Variants in SLC2A13 observed in about 807,000 individuals in gnomAD.
SLC2A13 encodes proton myo-inositol cotransporter.
A neutral mutation model predicts 64.4 loss-of-function variants in SLC2A13; 32 were observed. The ratio of observed to expected loss-of-function variants is 0.50; its 90% CI spans 0.37 to 0.67. SLC2A13 has a LOEUF of 0.67. Among genes scored for constraint, SLC2A13 ranks in the 30% least tolerant of loss-of-function variants. The probability of loss-of-function intolerance (pLI) is 0.00; values close to 1 mark genes in which losing one functional copy is unlikely to be tolerated. For missense variants in SLC2A13, 743 were observed against 829.2 expected (o/e 0.90, Z 1.28); for synonymous variants, 338 against 327.1 (o/e 1.03, Z -0.36).
At position 39,760,272 on chromosome 12, in the gene SLC2A13, A is replaced by G. The variant is rs1162759504; in HGVS notation, c.1721-20T>C. 6.3e-7 allele frequency: 1 copy of G among 1,581,412 alleles called. No individual in the cohort carries two copies. Among genetic ancestry groups the G allele is most frequent in the South Asian group, 1.1e-5 (1 of 88,788 alleles). Reference sequence around the variant, plus strand: ...AAGCTCCTGCAACGGAATATAATAGATACATGAATATGAATATATAGAGAG... The same window carrying G: ...AAGCTCCTGCAACGGAATATAATAGGTACATGAATATGAATATATAGAGAG... On this transcript the variant is annotated intron_variant, in intron 9 of 9. Coordinates refer to ENST00000280871, the MANE Select transcript of SLC2A13 (RefSeq NM_052885.4).
At chr12:40,050,071 C>T (rs1948230992) in intron 1 of SLC2A13, among the ~76,000 whole-genome samples, 1 of 152,280 alleles carries the variant, frequency 6.6e-6, no homozygotes, top group African/African-American at 2.4e-5. Context: ...ACAGACCACC[C>T]TGAAATGCCC....
chr12:39,784,725 G>C (rs1003726652), intron 7 of SLC2A13, among the ~76,000 whole-genome samples: 2 of 152,228 alleles, frequency 1.3e-5, no homozygotes, highest in Middle Eastern at 3.4e-3. Flanking sequence ...ACTGACAAAC[G>C]GGATCTAATT....
intron 3 of SLC2A13, among the ~76,000 whole-genome samples, chr12:39,969,145 C>G (rs1946593833): frequency 6.6e-6 from 1 of 152,166 alleles, no homozygotes; most frequent in African/African-American, 2.4e-5. Flanking sequence ...TTTTTTATGG[C>G]TGCATAGTAT....
At chr12:39,891,365 G>A (rs948893064) in intron 4 of SLC2A13, among the ~76,000 whole-genome samples, 1 of 151,632 alleles carries the variant, frequency 6.6e-6, no homozygotes, top group African/African-American at 2.4e-5. Flanking sequence ...ACTCCTCATT[G>A]CCTATTCCTA....
chr12:39,809,070 G>C (rs141582641), intron 7 of SLC2A13, among the ~76,000 whole-genome samples: 46 of 152,060 alleles, frequency 3.0e-4, no homozygotes, highest in African/African-American at 9.4e-4. Context: ...GATGTATATT[G>C]AGCTTTTTTG....
intron 7 of SLC2A13, among the ~76,000 whole-genome samples, chr12:39,775,148 A>G (rs1313378775): frequency 1.3e-5 from 2 of 152,232 alleles, no homozygotes; most frequent in East Asian, 3.8e-4. Flanking sequence ...TAGATAGAGA[A>G]TTAGAAACCA....
intron 6 of SLC2A13, among the ~76,000 whole-genome samples, chr12:39,856,224 T>C (rs1943602731): frequency 6.6e-6 from 1 of 152,112 alleles, no homozygotes; most frequent in South Asian, 2.1e-4. Flanking sequence ...CAACCCTTCA[T>C]CCATCTATCC....
chr12:39,810,477 C>T (rs1942121517), intron 7 of SLC2A13, among the ~76,000 whole-genome samples: 1 of 152,082 alleles, frequency 6.6e-6, no homozygotes, highest in Non-Finnish European at 1.5e-5. Flanking sequence ...TATGCCTTTT[C>T]TTGCCTTATT....
chr12:39,811,132 C>T (rs1402850679), intron 7 of SLC2A13, among the ~76,000 whole-genome samples: 1 of 151,822 alleles, frequency 6.6e-6, no homozygotes, highest in South Asian at 2.1e-4. Flanking sequence ...TATGTGTCAC[C>T]AGGAATTTTC....
intron 4 of SLC2A13, among the ~76,000 whole-genome samples, chr12:39,911,102 CA>C (rs951665800): frequency 1.3e-5 from 2 of 151,796 alleles, no homozygotes; most frequent in Non-Finnish European, 2.9e-5. Context: ...AACAAACAAA[CA>C]AAAATTAGGT....
chr12:39,866,132 G>A (rs1364914701), intron 5 of SLC2A13, among the ~76,000 whole-genome samples: 1 of 152,166 alleles, frequency 6.6e-6, no homozygotes, highest in African/African-American at 2.4e-5. Flanking sequence ...AGTAGTTAAG[G>A]TTTTATTAGT....
At chr12:39,819,994 A>G (rs1254746330) in intron 7 of SLC2A13, 3 of 152,198 alleles carry the variant, frequency 2.0e-5, no homozygotes, top group Non-Finnish European at 4.4e-5. Context: ...ATGTGAACAG[A>G]GTTTAAATTC....
chr12:39,864,336 T>A (rs137931387), intron 6 of SLC2A13, among the ~76,000 whole-genome samples: 6 of 152,354 alleles, frequency 3.9e-5, no homozygotes, highest in Admixed American at 3.3e-4. Flanking sequence ...AGGATAGCCA[T>A]GCAAATCAGT....
At chr12:39,924,155 T>A (rs1945673298) in intron 4 of SLC2A13, among the ~76,000 whole-genome samples, 1 of 152,170 alleles carries the variant, frequency 6.6e-6, no homozygotes, top group Non-Finnish European at 1.5e-5. Flanking sequence ...GATGTTTTTA[T>A]AAAATATCCT....
At chr12:39,765,716 C>T (rs1234147619) in intron 7 of SLC2A13, among the ~76,000 whole-genome samples, 2 of 152,002 alleles carry the variant, frequency 1.3e-5, no homozygotes, top group Non-Finnish European at 2.9e-5. Flanking sequence ...ATTCATTGGC[C>T]TCATTTAAAA....
chr12:39,880,164 C>T (rs1224324100), intron 4 of SLC2A13, among the ~76,000 whole-genome samples: 1 of 152,148 alleles, frequency 6.6e-6, no homozygotes, highest in African/African-American at 2.4e-5. Context: ...ATGCCAGCAC[C>T]ATGCTTCCTG....
chr12:40,068,830 GT>G lies in SLC2A13; in HGVS notation c.557-20621del, dbSNP rs373453524. On this transcript the variant is annotated intron_variant, in intron 1 of 9. Coordinates refer to ENST00000280871, the MANE Select transcript of SLC2A13 (RefSeq NM_052885.4). Reference sequence around the variant, plus strand: ...TAATTAACTTAATATGAGATCTCTTGTTTTTTTTTTCTCATCCACTCACTGA... The same window carrying G: ...TAATTAACTTAATATGAGATCTCTTGTTTTTTTTTCTCATCCACTCACTGA... 2.7e-3 allele frequency among the ~76,000 whole-genome samples: 401 copies of G among 147,532 alleles called. 3 individuals are homozygous for G. The highest frequency in any genetic ancestry group is 9.6e-3 in the African/African-American group (385 of 40,260).
chr12:39,775,928 T>G (rs1275006270), intron 7 of SLC2A13, among the ~76,000 whole-genome samples: 1 of 152,208 alleles, frequency 6.6e-6, no homozygotes, highest in Non-Finnish European at 1.5e-5. Flanking sequence ...CCAATGAGCG[T>G]TTCCTTTGAG....
chr12:40,034,838 G>A (rs146185138), intron 2 of SLC2A13, among the ~76,000 whole-genome samples: 1 of 152,242 alleles, frequency 6.6e-6, no homozygotes, highest in East Asian at 1.9e-4. Flanking sequence ...GTGTTTGCTT[G>A]GAAAGCTAAG....
Sources: gnomAD v4.1 joint callset for allele counts (sites outside exome capture counted in the v4.1 genomes callset) on GRCh38, gnomAD v4.1.1 for gene constraint, MANE v1.5 for transcripts, NCBI Gene and HGNC (gene_info 2026-07-23, HGNC 2026-07-21) for gene names.